The following TEX14 variants were observed in gnomAD, a reference collection of about 807,000 sequenced individuals.
The protein encoded by TEX14 is testis expressed 14, intercellular bridge forming factor.
A neutral mutation model predicts 178.6 loss-of-function variants in TEX14; 168 were observed. The ratio of observed to expected loss-of-function variants is 0.94; its 90% CI spans 0.83 to 1.07. TEX14 has a LOEUF of 1.07. Ranked by LOEUF, TEX14 falls within the 50% of genes least tolerant of loss-of-function variation. The pLI, the probability that TEX14 is intolerant of heterozygous loss-of-function variation, is 0.00. For synonymous variants in TEX14, 626 were observed against 634.1 expected, an observed-to-expected ratio of 0.99 and a Z score of 0.19; for missense variants, 1,730 against 1,753.6, an observed-to-expected ratio of 0.99 and a Z score of 0.24.
chr17:58,589,449 C>A lies in TEX14; in HGVS notation c.2577-1428G>T, dbSNP rs562398338. Among the ~76,000 whole-genome samples the A allele has an allele frequency of 2.0e-5, 3 of 149,732 alleles. No homozygotes were observed. In the East Asian group the frequency reaches 5.9e-4, roughly 30 times the overall value. On this transcript the variant is annotated intron_variant, in intron 15 of 31. Transcript: ENST00000349033. ...TGGTGGCGGGCGCCTGTAATCCCAGCTACTTGGGAGGCTGAGGCAGGAGAA... is the reference window on the plus strand; with the variant it reads ...TGGTGGCGGGCGCCTGTAATCCCAGATACTTGGGAGGCTGAGGCAGGAGAA...
intron 22 of TEX14, among the ~76,000 whole-genome samples, chr17:58,573,735 T>C (rs1474103132): frequency 6.6e-6 from 1 of 152,150 alleles, no homozygotes; most frequent in Non-Finnish European, 1.5e-5. Context: ...GCCAGGCTGG[T>C]CACGAACTCC....
chr17:58,599,451 A>G lies in TEX14; in HGVS notation c.1894T>C (p.Leu632=). 1 of 1,614,108 alleles carries G rather than the reference A, an allele frequency of 6.2e-7. No homozygotes were observed. The highest frequency in any genetic ancestry group is 8.5e-7 in the Non-Finnish European group (1 of 1,180,010). ...INEIYSGCLI[L]EDDIEEPPGA... ...GGAGGCTCTTCTATGTCATCTTCCA[A>G]AATCAAGCAGCCTGAGTAGATCTCG... is the stretch of plus-strand genomic sequence containing the variant. Residue 632 remains leucine (L), a synonymous_variant, in exon 14 of 32, where the codon TTG becomes CTG. Coordinates refer to ENST00000349033, the MANE Select transcript of TEX14 (RefSeq NM_031272.5).
chr17:58,605,684 T>C (rs1196556581), intron 10 of TEX14, among the ~76,000 whole-genome samples: 1 of 152,242 alleles, frequency 6.6e-6, no homozygotes, highest in Non-Finnish European at 1.5e-5. Flanking sequence ...TGGCAGCTTC[T>C]GCCAGGCATG....
chr17:58,567,585 A>G lies in TEX14; in HGVS notation c.3886+1607T>C, dbSNP rs147304562. ...GCTTTGGATGTGAGCCCTCCAAAAT[A>G]GCAGTTGAGAGTTCCAGTAACTCCC... On this transcript the variant is annotated intron_variant, in intron 26 of 31. Coordinates refer to ENST00000349033, the MANE Select transcript of TEX14 (RefSeq NM_031272.5). 2.5e-3 allele frequency among the ~76,000 whole-genome samples: 382 copies of G among 152,328 alleles called. 4 individuals carry two copies. The highest frequency in any genetic ancestry group is 6.7e-3 in the East Asian group (35 of 5,194).
chr17:58,631,670 A>G (rs930008429), intron 2 of TEX14: 1 of 151,668 alleles, frequency 6.6e-6, no homozygotes, highest in East Asian at 1.9e-4. Context: ...CTAGAGAAGA[A>G]CGGTCACCAA....
At chr17:58,583,247 C>T (rs1892861576) in intron 19 of TEX14, among the ~76,000 whole-genome samples, 1 of 152,172 alleles carries the variant, frequency 6.6e-6, no homozygotes, top group African/African-American at 2.4e-5. Context: ...GATCCTCCCA[C>T]TTCAGCCTCC....
At chr17:58,686,480 T>C (rs1177253353) in intron 1 of TEX14, among the ~76,000 whole-genome samples, 1 of 152,086 alleles carries the variant, frequency 6.6e-6, no homozygotes, top group Non-Finnish European at 1.5e-5. Context: ...AGTAGGCAAT[T>C]AGATATTTGC....
At chr17:58,660,145 C>T (rs2047078184) in intron 1 of TEX14, among the ~76,000 whole-genome samples, 1 of 151,310 alleles carries the variant, frequency 6.6e-6, no homozygotes, top group Admixed American at 6.6e-5. Flanking sequence ...TGGCTCACGT[C>T]TGTAATCCCA....
intron 1 of TEX14, among the ~76,000 whole-genome samples, chr17:58,656,474 G>A (rs2046963644): frequency 6.7e-6 from 1 of 148,974 alleles, no homozygotes; most frequent in South Asian, 2.1e-4. Context: ...AAAACCAAAA[G>A]GCTGGGCACA....
intron 28 of TEX14, among the ~76,000 whole-genome samples, chr17:58,563,520 C>T (rs1341408856): frequency 1.3e-5 from 2 of 149,986 alleles, no homozygotes; most frequent in Non-Finnish European, 3.0e-5. Flanking sequence ...GGCATGGTGG[C>T]TTGCACCTGT....
intron 7 of TEX14, 127 bp from the exon 8 acceptor site, chr17:58,615,472 A>C (rs2045852476): frequency 1.5e-6 from 1 of 670,134 alleles, no homozygotes; most frequent in Non-Finnish European, 2.6e-6. Context: ...CCCACTGGGC[A>C]CTACTGGGTC....
intron 1 of TEX14, among the ~76,000 whole-genome samples, chr17:58,686,689 T>G (rs1470934394): frequency 6.6e-6 from 1 of 152,042 alleles, no homozygotes; most frequent in Non-Finnish European, 1.5e-5. Flanking sequence ...GCTTCTATTA[T>G]GTATAAGGTC....
intron 28 of TEX14, chr17:58,564,158 A>G (rs555637741): frequency 6.6e-6 from 1 of 152,200 alleles, no homozygotes; most frequent in African/African-American, 2.4e-5. Flanking sequence ...TAGAATTACC[A>G]TATGATCCAG....
chr17:58,599,343 C>G lies in TEX14; in HGVS notation c.2002G>C (p.Glu668Gln), dbSNP rs552765597. 9 of 1,614,054 alleles carry G rather than the reference C, an allele frequency of 5.6e-6. No individual in the cohort carries two copies. The South Asian group carries it at 9.9e-5, about 18-fold the overall frequency. Residue 668 changes from glutamate (E) to glutamine (Q), a missense_variant, in exon 14 of 32, where the codon GAG becomes CAG. By Grantham distance (29) the Glu-to-Gln change is conservative (BLOSUM62 2). This residue lies in a region of TEX14 where 941 missense variants were observed against 1,072.4 expected (regional missense o/e 0.88). Transcript: ENST00000349033. ...KSMEEELDKMEREACCFGSED... is the reference protein window; with the variant it reads ...KSMEEELDKMQREACCFGSED... ...CTGCCAAAACAACACGCCTCTCTCT[C>G]CATCTTATCCAGCTCTTCTTCCATG...
intron 8 of TEX14, 120 bp from the exon 9 acceptor site, chr17:58,613,664 T>C (rs1312704696): frequency 8.9e-7 from 1 of 1,117,382 alleles, no homozygotes; most frequent in Non-Finnish European, 1.3e-6. Context: ...TTTTCTTTTC[T>C]TTTCTTTTTT....
At chr17:58,624,646 T>C (rs1490996013) in intron 3 of TEX14, among the ~76,000 whole-genome samples, 1 of 152,108 alleles carries the variant, frequency 6.6e-6, no homozygotes, top group Non-Finnish European at 1.5e-5. Flanking sequence ...CCAGCCTTCA[T>C]ATTTTCATTT....
intron 1 of TEX14, among the ~76,000 whole-genome samples, chr17:58,684,580 AGAAGAT>A (rs2047559331): frequency 6.6e-6 from 1 of 151,390 alleles, no homozygotes; most frequent in Non-Finnish European, 1.5e-5. Context: ...GGTGGCAGTG[AGAAGAT>A]CGTGCCACTG....
intron 14 of TEX14, 100 bp downstream of exon 14, chr17:58,598,776 C>G (rs989791468): frequency 8.7e-7 from 1 of 1,143,150 alleles, no homozygotes; most frequent in Non-Finnish European, 1.3e-6. Context: ...TCTGACTGAT[C>G]CCCAGTGTTT....
chr17:58,587,875 C>T, intron 16 of TEX14, 21 bp downstream of exon 16: 1 of 1,058,536 alleles, frequency 9.4e-7, no homozygotes, highest in Admixed American at 1.8e-5. Context: ...CCACCAGTTT[C>T]CAGCCCACAA....
Sources: allele counts gnomAD v4.1 joint callset (sites outside exome capture counted in the v4.1 genomes callset), GRCh38; gene constraint gnomAD v4.1.1; regional missense constraint gnomAD v4.1.1; transcripts MANE v1.5; gene names NCBI Gene and HGNC (gene_info 2026-07-23, HGNC 2026-07-21).